CALD1: variants seen among roughly 807,000 people sequenced by gnomAD.
CALD1 encodes caldesmon 1.
In CALD1, 33 loss-of-function variants were observed where a neutral mutation model predicts 99.9. The observed-to-expected ratio is 0.33, with a 90% CI of 0.25 to 0.44. The LOEUF is 0.44. CALD1 is among the 20% of genes least tolerant of loss of function. The pLI, the probability that CALD1 is intolerant of heterozygous loss-of-function variation, is 1.00. For missense variants in CALD1, 861 were observed against 962.1 expected (o/e 0.89, Z 1.39); for synonymous variants, 310 against 325.0 (o/e 0.95, Z 0.50).
At chr7:134,892,157 G>T (rs1285527763) in intron 3 of CALD1, among the ~76,000 whole-genome samples, 1 of 152,190 alleles carries the variant, frequency 6.6e-6, no homozygotes, top group Non-Finnish European at 1.5e-5. Flanking sequence ...AAGACCCAGA[G>T]CATATGCTAT....
At chr7:134,911,134 C>T (rs1293152308) in intron 3 of CALD1, among the ~76,000 whole-genome samples, 4 of 151,366 alleles carry the variant, frequency 2.6e-5, no homozygotes, top group East Asian at 1.9e-4. Context: ...CGCCACTCCT[C>T]GGTTGGTTTA....
At chr7:134,903,265 A>G (rs1473808588) in intron 3 of CALD1, among the ~76,000 whole-genome samples, 1 of 152,144 alleles carries the variant, frequency 6.6e-6, no homozygotes, top group Non-Finnish European at 1.5e-5. Context: ...TACAATGGCA[A>G]GAGTGAACCC....
rs73149970 is a variant in CALD1, at chr7:134,783,845, G to A, written c.-130+4096G>A. Among the ~76,000 whole-genome samples the A allele has an allele frequency of 0.036, 5,505 of 152,164 alleles. 153 individuals carry two copies. The highest frequency in any genetic ancestry group is 0.052 in the Non-Finnish European group (3,545 of 68,006). On this transcript the variant is annotated intron_variant, in intron 1 of 14. Transcript: ENST00000361675. This position sits in a 1 kb window ranked among gnomAD's most constrained non-coding sequence, Gnocchi z 4.3. ...CCATGATCTGGAAGGAAGAAAAGAGGGGGTAAATACACAGATATATAGGTG... is the reference window on the plus strand; with the variant it reads ...CCATGATCTGGAAGGAAGAAAAGAGAGGGTAAATACACAGATATATAGGTG...
chr7:134,851,971 A>G (rs2132225083), intron 2 of CALD1, among the ~76,000 whole-genome samples: 1 of 152,350 alleles, frequency 6.6e-6, no homozygotes, highest in South Asian at 2.1e-4. Context: ...CAATGAGTTC[A>G]ACTCAGCAAA....
upstream of CALD1, among the ~76,000 whole-genome samples, chr7:134,776,107 T>C (rs1796916800): frequency 6.6e-6 from 1 of 152,210 alleles, no homozygotes; most frequent in Admixed American, 6.5e-5. Context: ...TTTCTCTTTC[T>C]AATCCCAGTG....
At chr7:134,741,215 G>A (rs1049860038), upstream of CALD1, among the ~76,000 whole-genome samples, 4 of 152,170 alleles carry the variant, frequency 2.6e-5, no homozygotes, top group African/African-American at 9.7e-5. Flanking sequence ...GGCTGGGGAG[G>A]CCTCAGGAAA....
At chr7:134,965,123 A>T (rs1254776980) in intron 13 of CALD1, 183 bp from the exon 14 acceptor site, 4 of 516,916 alleles carry the variant, frequency 7.7e-6, no homozygotes, top group Admixed American at 3.2e-5. Context: ...CTCAAAAAAA[A>T]TAAAAAAATA....
At chr7:134,836,143 CAA>C (rs377048601) in intron 1 of CALD1, among the ~76,000 whole-genome samples, 31 of 68,562 alleles carry the variant, frequency 4.5e-4, no homozygotes, top group African/African-American at 8.0e-4. Context: ...GACTTCATCT[CAA>C]AAAAAAAAAA....
intron 1 of CALD1, among the ~76,000 whole-genome samples, chr7:134,770,905 G>A (rs946701283): frequency 3.9e-5 from 6 of 152,200 alleles, no homozygotes; most frequent in Admixed American, 1.3e-4. Flanking sequence ...GGTCAAGTCC[G>A]CCTACTTAGA....
chr7:134,953,074 CTTTA>C (rs1425775344), intron 9 of CALD1, among the ~76,000 whole-genome samples: 1 of 152,098 alleles, frequency 6.6e-6, no homozygotes, highest in Non-Finnish European at 1.5e-5. Flanking sequence ...AGTAGGCAAG[CTTTA>C]TTTATAAACT....
At chr7:134,924,460 A>G (rs1185761843) in intron 3 of CALD1, among the ~76,000 whole-genome samples, 1 of 152,126 alleles carries the variant, frequency 6.6e-6, no homozygotes, top group Non-Finnish European at 1.5e-5. Context: ...AAGCTAAGAA[A>G]TGACTGTTTG....
chr7:134,796,049 C>T (rs188701501), intron 1 of CALD1, among the ~76,000 whole-genome samples: 211 of 152,318 alleles, frequency 1.4e-3, no homozygotes, highest in African/African-American at 4.6e-3. Context: ...AATAAAACAA[C>T]GGCTCTTTCC....
intron 3 of CALD1, among the ~76,000 whole-genome samples, chr7:134,888,978 A>AT (rs11339740): frequency 5.9e-5 from 9 of 151,606 alleles, no homozygotes; most frequent in East Asian, 1.9e-4. Flanking sequence ...AAGAACCACA[A>AT]TTTTTTTTTC....
chr7:134,933,442 G>C lies in CALD1; in HGVS notation c.673G>C (p.Val225Leu), dbSNP rs1276955351. ...KTTESQEETV[V>L]MSLKNGQISS... ...AACTGAAAGCCAGGAGGAAACAGTG[G>C]TAATGTCATTAAAAAATGGGCAGAT... Residue 225 changes from valine (V) to leucine (L), a missense_variant, in exon 5 of 15, where the codon GTA (valine) becomes CTA (leucine). Coordinates refer to ENST00000361675, the MANE Select transcript of CALD1 (RefSeq NM_033138.4). The C allele has an allele frequency of 1.2e-6, 2 of 1,613,770 alleles. No individual in the cohort carries two copies. Among genetic ancestry groups the C allele is most frequent in the Non-Finnish European group, 1.7e-6 (2 of 1,179,928 alleles).
rs188894267 is a variant in CALD1 at position 134,956,492 on chromosome 7, C to T, written c.1936-1577C>T. On this transcript the variant is annotated intron_variant, in intron 9 of 14. Coordinates refer to ENST00000361675, the MANE Select transcript of CALD1 (RefSeq NM_033138.4). ...ACACAGAACCTTATTTGCTCCCTCT[C>T]TATTCTGCACTATATGAGGACACAG... Among the ~76,000 whole-genome samples, 244 of 152,330 alleles carry T rather than the reference C, an allele frequency of 1.6e-3. 3 individuals are homozygous for T. Among genetic ancestry groups the T allele is most frequent in the South Asian group, 3.5e-3 (17 of 4,826 alleles).
intron 1 of CALD1, among the ~76,000 whole-genome samples, chr7:134,801,744 G>A (rs971871987): frequency 1.3e-5 from 2 of 151,898 alleles, no homozygotes; most frequent in African/African-American, 2.4e-5. Context: ...TTAGCCTCCC[G>A]TGTAGCTGGG....
At chr7:134,958,353 A>G (rs946420396) in intron 11 of CALD1, 63 bp downstream of exon 11, 9 of 1,304,352 alleles carry the variant, frequency 6.9e-6, no homozygotes, top group Non-Finnish European at 8.9e-6. Flanking sequence ...TACATAGAAG[A>G]GCATAAAAAC....
upstream of CALD1, among the ~76,000 whole-genome samples, chr7:134,742,441 C>A (rs2131533526): frequency 6.6e-6 from 1 of 152,316 alleles, no homozygotes; most frequent in African/African-American, 2.4e-5. Context: ...TCCAGACATT[C>A]CAGGCTCCCA....
At position 134,969,407 on chromosome 7, in the gene CALD1, A is replaced by G. The variant is rs1808900166; in HGVS notation, c.*1062A>G. ...GCTCAAAGCCTACTTATTAGAAACA[A>G]TGAAGTTCACAATAGGTCATAAGGT... On this transcript the variant is annotated 3_prime_UTR_variant, in exon 15 of 15. Transcript: ENST00000361675. 6.6e-6 allele frequency: 1 copy of G among 152,252 alleles called. No individual in the cohort carries two copies. The highest frequency in any genetic ancestry group is 6.5e-5 in the Admixed American group (1 of 15,284). 9.4% of individuals were successfully genotyped at this position (152,252 alleles called of 1,614,324 possible). A position where few individuals can be genotyped will look rare whatever the true frequency, so the allele number is the denominator to read the frequency against.
Sources: allele counts gnomAD v4.1 joint callset (sites outside exome capture counted in the v4.1 genomes callset), GRCh38; gene constraint gnomAD v4.1.1; non-coding constraint Gnocchi (gnomAD v3.1); transcripts MANE v1.5; gene names NCBI Gene and HGNC (gene_info 2026-07-23, HGNC 2026-07-21).